CALN1: variants seen among roughly 807,000 people sequenced by gnomAD.
CALN1 encodes the protein calneuron 1.
Under a neutral mutation model 30.6 loss-of-function variants are expected in CALN1, and 17 were observed. The ratio of observed to expected loss-of-function variants is 0.56; its 90% CI spans 0.38 to 0.83. The LOEUF (loss-of-function observed/expected upper bound fraction) is 0.83. Among genes scored for constraint, CALN1 ranks in the 40% least tolerant of loss-of-function variants. The probability of loss-of-function intolerance (pLI) is 0.00; values close to 1 mark genes in which losing one functional copy is unlikely to be tolerated. For synonymous variants in CALN1, 156 were observed against 131.4 expected (o/e 1.19, Z -1.28); for missense variants, 291 against 354.9 (o/e 0.82, Z 1.45).
chr7:71,847,720 AAGAAGAAAG>A (rs1389338159), intron 5 of CALN1, among the ~76,000 whole-genome samples: 6 of 74,720 alleles, frequency 8.0e-5, no homozygotes, highest in African/African-American at 7.9e-4. Flanking sequence ...AAGAAGAAAG[AAGAAGAAAG>A]AAGAAAGAAG....
intron 5 of CALN1, among the ~76,000 whole-genome samples, chr7:71,970,359 G>T (rs2129526257): frequency 6.6e-6 from 1 of 152,206 alleles, no homozygotes; most frequent in East Asian, 1.9e-4. Flanking sequence ...GTACCCTTCT[G>T]ATATGAAACT....
At chr7:72,229,569 T>C (rs905837519) in intron 3 of CALN1, among the ~76,000 whole-genome samples, 2 of 152,038 alleles carry the variant, frequency 1.3e-5, no homozygotes, top group African/African-American at 4.8e-5. Context: ...ACAGAAAATA[T>C]GGCATATATA....
chr7:72,164,391 C>T (rs1485451650), intron 3 of CALN1, among the ~76,000 whole-genome samples: 2 of 148,526 alleles, frequency 1.3e-5, no homozygotes, highest in African/African-American at 4.9e-5. Context: ...GACAGAGACA[C>T]ATAGGAAGAA....
chr7:72,220,899 T>C (rs1208338516), intron 3 of CALN1, among the ~76,000 whole-genome samples: 3 of 152,190 alleles, frequency 2.0e-5, no homozygotes, highest in Non-Finnish European at 4.4e-5. Context: ...TGTTTGTTTT[T>C]TTCTTGTAAA....
chr7:72,140,920 G>T (rs1200903414), intron 3 of CALN1, among the ~76,000 whole-genome samples: 1 of 152,232 alleles, frequency 6.6e-6, no homozygotes, highest in Non-Finnish European at 1.5e-5. Flanking sequence ...GTGGCAGCTG[G>T]TTCCCCACCT....
chr7:72,354,829 G>T (rs367852565), intron 2 of CALN1, among the ~76,000 whole-genome samples: 1 of 151,644 alleles, frequency 6.6e-6, no homozygotes, highest in Admixed American at 6.6e-5. Context: ...AGATAAAGCC[G>T]CAAAACTTTT....
Position 72,231,022 on chromosome 7 carries a change from G to A in CALN1, c.244+47664C>T, listed in dbSNP as rs552142502. 9.2e-5 allele frequency among the ~76,000 whole-genome samples: 14 copies of A among 152,130 alleles called. No homozygotes were observed. In the South Asian group the frequency reaches 2.7e-3, roughly 29 times the overall value. On this transcript the variant is annotated intron_variant, in intron 3 of 6. Transcript: ENST00000395275. ...ACTGCCCCACCTGGGGGCATGAATCGTGCCTTTGTGTAGCCTAGCCACACT... is the reference window on the plus strand; with the variant it reads ...ACTGCCCCACCTGGGGGCATGAATCATGCCTTTGTGTAGCCTAGCCACACT...
At chr7:71,835,983 T>C (rs970739629) in intron 5 of CALN1, among the ~76,000 whole-genome samples, 3 of 152,202 alleles carry the variant, frequency 2.0e-5, no homozygotes, top group African/African-American at 7.2e-5. Flanking sequence ...GTGACTTGCT[T>C]TGGGCAATGA....
intron 4 of CALN1, among the ~76,000 whole-genome samples, chr7:72,030,663 A>G (rs899044197): frequency 6.6e-6 from 1 of 152,218 alleles, no homozygotes; most frequent in African/African-American, 2.4e-5. Flanking sequence ...AGCAAGGTCC[A>G]GGAAACCTGA....
At chr7:72,139,819 T>C (rs1453876703) in intron 3 of CALN1, among the ~76,000 whole-genome samples, 1 of 152,222 alleles carries the variant, frequency 6.6e-6, no homozygotes, top group Non-Finnish European at 1.5e-5. Context: ...TTCAGGACTA[T>C]ATACTATGTT....
chr7:71,902,106 C>A (rs1415212841), intron 5 of CALN1, among the ~76,000 whole-genome samples: 2 of 152,028 alleles, frequency 1.3e-5, no homozygotes, highest in African/African-American at 2.4e-5. Context: ...AAAAAGTGAG[C>A]AAAGGACATG....
intron 3 of CALN1, among the ~76,000 whole-genome samples, chr7:72,276,285 C>T (rs1417453480): frequency 6.6e-6 from 1 of 152,148 alleles, no homozygotes; most frequent in African/African-American, 2.4e-5. Context: ...ACCACCTGCC[C>T]TAATGTCTAT....
chr7:72,227,074 A>G (rs1793734253), intron 3 of CALN1, among the ~76,000 whole-genome samples: 1 of 151,958 alleles, frequency 6.6e-6, no homozygotes, highest in Non-Finnish European at 1.5e-5. Context: ...AACAATAGAC[A>G]TTGGGGAAAC....
chr7:71,944,765 T>G (rs764475360), intron 5 of CALN1, among the ~76,000 whole-genome samples: 1 of 152,228 alleles, frequency 6.6e-6, no homozygotes, highest in East Asian at 1.9e-4. Flanking sequence ...GAATCTGTTA[T>G]GTTTACAAAC....
intron 5 of CALN1, among the ~76,000 whole-genome samples, chr7:72,019,760 C>A (rs183032236): frequency 3.3e-5 from 5 of 152,240 alleles, no homozygotes; most frequent in East Asian, 1.9e-4. Flanking sequence ...CTAGAACCAC[C>A]CAGCTCAGCC....
intron 4 of CALN1, among the ~76,000 whole-genome samples, chr7:72,041,586 G>A (rs1180273396): frequency 2.0e-5 from 3 of 152,036 alleles, no homozygotes; most frequent in South Asian, 2.1e-4. Flanking sequence ...GTTTCATCAT[G>A]TTGGCCAAGC....
intron 1 of CALN1, among the ~76,000 whole-genome samples, chr7:72,437,668 T>G (rs1808207765): frequency 2.5e-5 from 1 of 40,492 alleles, no homozygotes; most frequent in African/African-American, 1.1e-4. Flanking sequence ...TTTTCTTTCT[T>G]TCTTTCCTTT....
chr7:72,181,372 A>G (rs1789794098), intron 3 of CALN1, among the ~76,000 whole-genome samples: 1 of 151,852 alleles, frequency 6.6e-6, no homozygotes, highest in African/African-American at 2.4e-5. Flanking sequence ...TTTACTGCTT[A>G]AATCATTCCA....
intron 3 of CALN1, among the ~76,000 whole-genome samples, chr7:72,258,533 A>C (rs1161877179): frequency 6.6e-6 from 1 of 152,230 alleles, no homozygotes; most frequent in African/African-American, 2.4e-5. Context: ...GACTTTTTGA[A>C]CTCAACATGT....
Sources: allele counts gnomAD v4.1 joint callset (sites outside exome capture counted in the v4.1 genomes callset), GRCh38; gene constraint gnomAD v4.1.1; transcripts MANE v1.5; gene names NCBI Gene and HGNC (gene_info 2026-07-23, HGNC 2026-07-21).